The following WWOX variants were observed in gnomAD, a reference collection of about 807,000 sequenced individuals.
WWOX encodes WW domain-containing oxidoreductase.
A neutral mutation model predicts 46.2 loss-of-function variants in WWOX; 69 were observed. The ratio of observed to expected loss-of-function variants is 1.49; its 90% confidence interval spans 1.23 to 1.82. WWOX has a LOEUF of 1.82. WWOX is among the 40% of genes most tolerant of loss of function. The pLI, the probability that WWOX is intolerant of heterozygous loss-of-function variation, is 0.00. For synonymous variants in WWOX, 359 were observed against 202.6 expected, an observed-to-expected ratio of 1.77 and a Z score of -6.56; for missense variants, 919 against 542.6, an observed-to-expected ratio of 1.69 and a Z score of -6.89.
Position 78,720,630 on chromosome 16 carries a change from C to T in WWOX, c.1056+287878C>T, listed in dbSNP as rs1299672676. 2.6e-5 allele frequency among the ~76,000 whole-genome samples: 4 copies of T among 152,046 alleles called. No individual in the cohort carries two copies. The South Asian group carries it at 6.2e-4, about 24-fold the overall frequency. On this transcript the variant is annotated intron_variant, in intron 8 of 8. Coordinates refer to ENST00000566780, the MANE Select transcript of WWOX (RefSeq NM_016373.4). ...TCCTAGGAAACCTGCCAGCATTTCACATTCTTGACCCTTGAATTGAATATG... is the reference window on the plus strand; with the variant it reads ...TCCTAGGAAACCTGCCAGCATTTCATATTCTTGACCCTTGAATTGAATATG...
At chr16:78,559,010 A>T (rs1216244534) in intron 8 of WWOX, among the ~76,000 whole-genome samples, 2 of 152,150 alleles carry the variant, frequency 1.3e-5, no homozygotes, top group African/African-American at 4.8e-5. Context: ...TGTTGCTCAC[A>T]ATCATATCCA....
At chr16:79,133,902 G>A (rs2049932082) in intron 8 of WWOX, among the ~76,000 whole-genome samples, 1 of 152,122 alleles carries the variant, frequency 6.6e-6, no homozygotes, top group African/African-American at 2.4e-5. Flanking sequence ...TTTTTTGGGG[G>A]CATTTGTCAG....
At chr16:79,052,256 T>C (rs2048182802) in intron 8 of WWOX, among the ~76,000 whole-genome samples, 3 of 151,416 alleles carry the variant, frequency 2.0e-5, no homozygotes, top group Middle Eastern at 6.8e-3. Flanking sequence ...GATCTCATTG[T>C]TCAGTTGTCA....
At chr16:78,375,602 G>A (rs943614591) in intron 5 of WWOX, among the ~76,000 whole-genome samples, 8 of 152,126 alleles carry the variant, frequency 5.3e-5, no homozygotes, top group Non-Finnish European at 2.9e-5. Context: ...GTCTCCGTAG[G>A]CTTCTTGGGA....
At chr16:78,336,796 TTTTG>T (rs1235274155) in intron 5 of WWOX, among the ~76,000 whole-genome samples, 3 of 152,220 alleles carry the variant, frequency 2.0e-5, no homozygotes, top group East Asian at 3.9e-4. Context: ...ATTCCTAGGT[TTTTG>T]TTTGTTTTCG....
intron 8 of WWOX, among the ~76,000 whole-genome samples, chr16:78,838,038 C>T (rs1372483731): frequency 6.6e-6 from 1 of 152,138 alleles, no homozygotes; most frequent in Non-Finnish European, 1.5e-5. Context: ...GAAAGACTGG[C>T]ACAGTTAGAG....
intron 8 of WWOX, among the ~76,000 whole-genome samples, chr16:79,135,526 T>A (rs1412871388): frequency 6.6e-6 from 1 of 152,240 alleles, no homozygotes; most frequent in African/African-American, 2.4e-5. Flanking sequence ...TTGCATATTA[T>A]AAGTTGCATT....
In WWOX at chr16:78,972,154, G is replaced by T. The variant is rs2046483597; in HGVS notation, c.1057-239454G>T. On this transcript the variant is annotated intron_variant, in intron 8 of 8. Transcript: ENST00000566780. ...AGGAGGAAGCTTGGGGCAGGTGGCA[G>T]AGCAACTTCATTTCCAGATGAAACT... Among the ~76,000 whole-genome samples, 6 of 152,184 alleles carry T rather than the reference G, an allele frequency of 3.9e-5. No individual in the cohort carries two copies. In the South Asian group the frequency reaches 1.0e-3, roughly 26 times the overall value.
intron 8 of WWOX, among the ~76,000 whole-genome samples, chr16:78,501,924 C>T (rs979984085): frequency 1.3e-5 from 2 of 152,084 alleles, no homozygotes; most frequent in African/African-American, 2.4e-5. Context: ...CCACTGTGGT[C>T]CCACCTGCCC....
At chr16:78,141,754 G>T (rs929692658) in intron 4 of WWOX, among the ~76,000 whole-genome samples, 10 of 151,464 alleles carry the variant, frequency 6.6e-5, no homozygotes, top group Non-Finnish European at 1.0e-4. Flanking sequence ...CATTGTAATG[G>T]TTTTTTTTGG....
chr16:79,104,666 C>T (rs2049271606), intron 8 of WWOX, among the ~76,000 whole-genome samples: 1 of 152,150 alleles, frequency 6.6e-6, no homozygotes, highest in Non-Finnish European at 1.5e-5. Flanking sequence ...TTTAAAAATG[C>T]AGGTCATGAT....
intron 8 of WWOX, among the ~76,000 whole-genome samples, chr16:79,155,130 C>G (rs1297660079): frequency 6.6e-6 from 1 of 152,202 alleles, no homozygotes; most frequent in Non-Finnish European, 1.5e-5. Flanking sequence ...GTAATCCCAG[C>G]ACTTTGGGAG....
chr16:78,169,533 A>T (rs1412417634), intron 5 of WWOX, among the ~76,000 whole-genome samples: 2 of 152,062 alleles, frequency 1.3e-5, no homozygotes, highest in Non-Finnish European at 2.9e-5. Context: ...AACATACTTC[A>T]TGAACAGCTA....
intron 8 of WWOX, among the ~76,000 whole-genome samples, chr16:78,936,823 C>T (rs1340915374): frequency 6.6e-6 from 1 of 152,150 alleles, no homozygotes; most frequent in African/African-American, 2.4e-5. Flanking sequence ...TAATCCATCG[C>T]TGTCAGGCTC....
intron 8 of WWOX, among the ~76,000 whole-genome samples, chr16:78,812,881 C>T (rs964224996): frequency 6.6e-6 from 1 of 152,180 alleles, no homozygotes; most frequent in Non-Finnish European, 1.5e-5. Flanking sequence ...CATTTCACAT[C>T]TTCTTAAACA....
At chr16:78,930,257 T>TCCTTCTGA (rs2045592530) in intron 8 of WWOX, among the ~76,000 whole-genome samples, 12 of 127,082 alleles carry the variant, frequency 9.4e-5, no homozygotes, top group Non-Finnish European at 1.7e-4. Context: ...CTTCCTTCCT[T>TCCTTCTGA]CCTTCCTTCC....
chr16:78,925,234 C>G (rs75772166), intron 8 of WWOX, among the ~76,000 whole-genome samples: 2,514 of 152,220 alleles, frequency 0.017, 23 homozygotes, highest in African/African-American at 0.034. Flanking sequence ...TTGGCTAAGC[C>G]TGGTAGAAGC....
At chr16:78,612,778 A>C (rs915536059) in intron 8 of WWOX, among the ~76,000 whole-genome samples, 1 of 152,156 alleles carries the variant, frequency 6.6e-6, no homozygotes, top group Non-Finnish European at 1.5e-5. Flanking sequence ...CACCCAGCCC[A>C]TGTTAATTTT....
intron 8 of WWOX, among the ~76,000 whole-genome samples, chr16:79,178,667 T>A (rs984050122): frequency 3.9e-5 from 6 of 152,152 alleles, no homozygotes; most frequent in Non-Finnish European, 7.4e-5. Flanking sequence ...CTTCGAAGAA[T>A]CCGTAGTCCA....
Sources: allele counts gnomAD v4.1 joint callset (sites outside exome capture counted in the v4.1 genomes callset), GRCh38; gene constraint gnomAD v4.1.1; transcripts MANE v1.5; gene names NCBI Gene and HGNC (gene_info 2026-07-23, HGNC 2026-07-21).